Variants in REDIC1 observed in about 807,000 individuals in gnomAD.
REDIC1 encodes the protein HEI10 Interacting Protein 1.
At chr12:39,773,825 T>C in the REDIC1 span, among the ~76,000 whole-genome samples, 1 of 152,178 alleles carries the variant, frequency 6.6e-6, no homozygotes, top group Non-Finnish European at 1.5e-5. Context: ...TTAGTTCCCT[T>C]CCCAAAGAGT....
At chr12:39,711,627 G>A in the REDIC1 span, among the ~76,000 whole-genome samples, 13 of 47,936 alleles carry the variant, frequency 2.7e-4, no homozygotes, top group South Asian at 2.2e-3. Flanking sequence ...GTGTATACAC[G>A]TATGTGTATA....
chr12:39,635,959 CAGTTT>C, the REDIC1 span, among the ~76,000 whole-genome samples: 2 of 152,044 alleles, frequency 1.3e-5, no homozygotes, highest in African/African-American at 2.4e-5. Context: ...ATCTAAAAAC[CAGTTT>C]AGTTATTTTG....
At chr12:39,893,553 G>C in the REDIC1 span, among the ~76,000 whole-genome samples, 2 of 152,188 alleles carry the variant, frequency 1.3e-5, no homozygotes, top group Non-Finnish European at 2.9e-5. Flanking sequence ...GCCCGCCTTG[G>C]TCTCCCAAAG....
At chr12:39,669,945 C>G in the REDIC1 span, among the ~76,000 whole-genome samples, 18 of 152,196 alleles carry the variant, frequency 1.2e-4, no homozygotes, top group Admixed American at 1.2e-3. Context: ...CAGGTGCCGT[C>G]TGTCACCCCT....
chr12:39,884,665 A>G, the REDIC1 span, among the ~76,000 whole-genome samples: 6 of 152,202 alleles, frequency 3.9e-5, no homozygotes, highest in Admixed American at 2.6e-4. Context: ...CGCCATACAT[A>G]TAACAAGGAC....
At chr12:39,726,701 A>G in the REDIC1 span, among the ~76,000 whole-genome samples, 1 of 152,308 alleles carries the variant, frequency 6.6e-6, no homozygotes, top group East Asian at 1.9e-4. Flanking sequence ...GCTGGGTCAA[A>G]TGATATTTCT....
At chr12:39,876,851 G>A in the REDIC1 span, among the ~76,000 whole-genome samples, 3 of 152,110 alleles carry the variant, frequency 2.0e-5, no homozygotes, top group African/African-American at 7.2e-5. Flanking sequence ...ATTAACTGCT[G>A]ACTTACTCAA....
chr12:39,695,365 C>A, the REDIC1 span, among the ~76,000 whole-genome samples: 1 of 152,130 alleles, frequency 6.6e-6, no homozygotes. Context: ...CAGAGGGGAG[C>A]CTCCTGCCCT....
At chr12:39,760,274 A>T in the REDIC1 span, 1 of 1,580,138 alleles carries the variant, frequency 6.3e-7, no homozygotes. Flanking sequence ...TATAATAGAT[A>T]CATGAATATG....
At chr12:39,712,637 A>G in the REDIC1 span, among the ~76,000 whole-genome samples, 3 of 145,640 alleles carry the variant, frequency 2.1e-5, no homozygotes, top group African/African-American at 2.5e-5. Context: ...ATATGTATAC[A>G]CATTTATATT....
the REDIC1 span, among the ~76,000 whole-genome samples, chr12:39,710,219 G>A: frequency 2.4e-4 from 37 of 151,650 alleles, no homozygotes; most frequent in South Asian, 8.3e-4. Flanking sequence ...TTTTCGTATC[G>A]GTATTCATAA....
At chr12:39,714,044 C>T in the REDIC1 span, among the ~76,000 whole-genome samples, 2 of 21,762 alleles carry the variant, frequency 9.2e-5, no homozygotes, top group African/African-American at 2.2e-4. Flanking sequence ...CATGTATATA[C>T]ACATGTATAT....
At chr12:39,781,682 AT>A in the REDIC1 span, among the ~76,000 whole-genome samples, 2 of 152,220 alleles carry the variant, frequency 1.3e-5, no homozygotes, top group African/African-American at 4.8e-5. Context: ...TGGAAGTTAT[AT>A]TTTAACAGCA....
chr12:39,644,644 A>C, the REDIC1 span, among the ~76,000 whole-genome samples: 2 of 151,998 alleles, frequency 1.3e-5, no homozygotes, highest in South Asian at 4.2e-4. Flanking sequence ...CAGTTTACAC[A>C]AGTAAATTTA....
the REDIC1 span, among the ~76,000 whole-genome samples, chr12:39,825,917 C>A: frequency 2.6e-5 from 4 of 151,950 alleles, no homozygotes; most frequent in Non-Finnish European, 4.4e-5. Context: ...TTCTTCTAAA[C>A]CTATTAATTA....
At chr12:39,837,859 G>A in the REDIC1 span, among the ~76,000 whole-genome samples, 1 of 151,654 alleles carries the variant, frequency 6.6e-6, no homozygotes, top group Admixed American at 6.6e-5. Context: ...TGGAGAGGAT[G>A]TGGAGAAATA....
the REDIC1 span, among the ~76,000 whole-genome samples, chr12:39,668,499 A>G: frequency 6.6e-6 from 1 of 151,864 alleles, no homozygotes; most frequent in African/African-American, 2.4e-5. Context: ...TGCCCTTAAC[A>G]TTTTTTCCTT....
chr12:39,760,744 G>T, the REDIC1 span, among the ~76,000 whole-genome samples: 2 of 151,714 alleles, frequency 1.3e-5, no homozygotes, highest in Admixed American at 1.3e-4. Context: ...ATTTTGTTTT[G>T]CTGTAAGATT....
At chr12:39,789,089 T>C in the REDIC1 span, among the ~76,000 whole-genome samples, 1 of 152,122 alleles carries the variant, frequency 6.6e-6, no homozygotes, top group Non-Finnish European at 1.5e-5. Flanking sequence ...ACTGATTTAC[T>C]CACCAATCAG....
Sources: gnomAD v4.1 joint callset for allele counts (sites outside exome capture counted in the v4.1 genomes callset) on GRCh38, gnomAD v4.1.1 for gene constraint, MANE v1.5 for transcripts, NCBI Gene and HGNC (gene_info 2026-07-23, HGNC 2026-07-21) for gene names.